The following GRIK3 variants were observed in gnomAD, a reference collection of about 807,000 sequenced individuals.
GRIK3 encodes the protein glutamate receptor ionotropic, kainate 3.
A neutral mutation model predicts 102.5 loss-of-function variants in GRIK3; 29 were observed. That is an observed-to-expected ratio of 0.28 (90% confidence interval 0.21 to 0.39). The LOEUF (loss-of-function observed/expected upper bound fraction) is 0.39, where lower values mean the gene tolerates loss of function less well. Ranked by LOEUF, GRIK3 falls within the 10% of genes least tolerant of loss-of-function variation. The pLI, the probability that GRIK3 is intolerant of heterozygous loss-of-function variation, is 1.00. For missense variants in GRIK3, 908 were observed against 1,252.4 expected, an observed-to-expected ratio of 0.73 and a Z score of 4.15; for synonymous variants, 511 against 504.9, an observed-to-expected ratio of 1.01 and a Z score of -0.16.
intron 10 of GRIK3, among the ~76,000 whole-genome samples, chr1:36,839,180 C>T (rs532505248): frequency 6.6e-6 from 1 of 152,270 alleles, no homozygotes; most frequent in Admixed American, 6.5e-5. Flanking sequence ...CTTCCTTCTC[C>T]CCTGCCCAGC....
At chr1:36,827,655 G>C (rs947900139) in intron 10 of GRIK3, among the ~76,000 whole-genome samples, 2 of 152,170 alleles carry the variant, frequency 1.3e-5, no homozygotes, top group African/African-American at 4.8e-5. Context: ...AAGGGTACCT[G>C]CTAACACTAG....
At chr1:36,861,427 C>T (rs1640724209) in intron 5 of GRIK3, among the ~76,000 whole-genome samples, 1 of 152,172 alleles carries the variant, frequency 6.6e-6, no homozygotes, top group African/African-American at 2.4e-5. Flanking sequence ...CTGGGCCCCC[C>T]ACTTAGTCAC....
intron 1 of GRIK3, among the ~76,000 whole-genome samples, chr1:36,951,426 C>T (rs1641842310): frequency 6.6e-6 from 1 of 152,208 alleles, no homozygotes; most frequent in African/African-American, 2.4e-5. Flanking sequence ...CCTTCCTTCT[C>T]CTTTGTCTTC....
At chr1:36,916,506 T>C (rs1641402285) in intron 1 of GRIK3, among the ~76,000 whole-genome samples, 1 of 152,148 alleles carries the variant, frequency 6.6e-6, no homozygotes, top group Admixed American at 6.5e-5. Flanking sequence ...ATCACAGGCA[T>C]GGAGACCTAG....
At chr1:36,946,274 G>A (rs1285232293) in intron 1 of GRIK3, among the ~76,000 whole-genome samples, 11 of 152,360 alleles carry the variant, frequency 7.2e-5, no homozygotes, top group African/African-American at 2.6e-4. Context: ...CTGGGACACC[G>A]GCCCTTGGTC....
intron 7 of GRIK3, among the ~76,000 whole-genome samples, chr1:36,855,011 A>T (rs1640634543): frequency 6.6e-6 from 1 of 152,216 alleles, no homozygotes; most frequent in Non-Finnish European, 1.5e-5. Flanking sequence ...CAGCTGGTGC[A>T]CAGTTAAATA....
intron 1 of GRIK3, among the ~76,000 whole-genome samples, chr1:36,963,808 T>C (rs1642052227): frequency 6.6e-6 from 1 of 152,164 alleles, no homozygotes; most frequent in African/African-American, 2.4e-5. Flanking sequence ...TGGTGTGACC[T>C]CAGAGGCACC....
At chr1:36,939,553 G>T (rs927843062) in intron 1 of GRIK3, among the ~76,000 whole-genome samples, 2 of 152,222 alleles carry the variant, frequency 1.3e-5, no homozygotes, top group South Asian at 2.1e-4. Flanking sequence ...GTGAGGCCAG[G>T]GCTGTCATCA....
At chr1:36,841,501 A>C (rs1490528930) in intron 10 of GRIK3, among the ~76,000 whole-genome samples, 1 of 152,210 alleles carries the variant, frequency 6.6e-6, no homozygotes, top group African/African-American at 2.4e-5. Flanking sequence ...AGGCCAGTGC[A>C]TCTGTGTGTG....
intron 1 of GRIK3, among the ~76,000 whole-genome samples, chr1:36,965,744 CT>C (rs1238815955): frequency 6.6e-6 from 1 of 152,194 alleles, no homozygotes; most frequent in Admixed American, 6.5e-5. Context: ...GTTAAACGTT[CT>C]CTGTGGAACC....
At chr1:36,818,976 C>A (rs480970) in intron 12 of GRIK3, among the ~76,000 whole-genome samples, 5 of 152,148 alleles carry the variant, frequency 3.3e-5, no homozygotes, top group Admixed American at 6.5e-5. Flanking sequence ...GGGCGGTGTC[C>A]TTTCCTGGCT....
chr1:36,901,408 T>C (rs971592810), intron 1 of GRIK3, among the ~76,000 whole-genome samples: 1 of 152,192 alleles, frequency 6.6e-6, no homozygotes, highest in Non-Finnish European at 1.5e-5. Context: ...TAATCCATTA[T>C]ATCAGTATCA....
chr1:36,847,232 C>T (rs1227551262), intron 9 of GRIK3, among the ~76,000 whole-genome samples: 2 of 152,216 alleles, frequency 1.3e-5, no homozygotes, highest in Non-Finnish European at 2.9e-5. Context: ...TTCTATATCT[C>T]AGTAGGAGAC....
At chr1:36,934,725 T>C (rs747119207) in intron 1 of GRIK3, among the ~76,000 whole-genome samples, 3 of 152,150 alleles carry the variant, frequency 2.0e-5, no homozygotes, top group Non-Finnish European at 2.9e-5. Flanking sequence ...CCAGACACAA[T>C]GGAAACACAT....
intron 11 of GRIK3, among the ~76,000 whole-genome samples, chr1:36,824,067 G>A (rs1485087113): frequency 6.6e-6 from 1 of 152,088 alleles, no homozygotes; most frequent in Non-Finnish European, 1.5e-5. Context: ...TCTCTTCTCA[G>A]GGGTCTCCTA....
At chr1:36,901,245 G>A (rs1641229816) in intron 1 of GRIK3, among the ~76,000 whole-genome samples, 1 of 152,114 alleles carries the variant, frequency 6.6e-6, no homozygotes, top group Non-Finnish European at 1.5e-5. Context: ...TAAAACTACA[G>A]ATCAATATCT....
chr1:36,969,889 CAATTCAGCTAATCG>C (rs1358190103), intron 1 of GRIK3, among the ~76,000 whole-genome samples: 4 of 152,272 alleles, frequency 2.6e-5, no homozygotes, highest in Admixed American at 2.0e-4. Flanking sequence ...GATGTAAGAA[CAATTCAGCTAATCG>C]AAACTATGAC....
At chr1:36,994,533 C>T (rs1016669001) in intron 1 of GRIK3, among the ~76,000 whole-genome samples, 5 of 152,220 alleles carry the variant, frequency 3.3e-5, no homozygotes, top group African/African-American at 1.2e-4. Flanking sequence ...ATCTGTGGAA[C>T]ACTGATAGAG....
intron 13 of GRIK3, 124 bp downstream of exon 13, chr1:36,816,936 G>C: frequency 1.5e-6 from 1 of 670,454 alleles, no homozygotes; most frequent in Non-Finnish European, 2.6e-6. Context: ...GGGGCTGAGA[G>C]GGCTTCTGAC....
Sources: allele counts gnomAD v4.1 joint callset (sites outside exome capture counted in the v4.1 genomes callset), GRCh38; gene constraint gnomAD v4.1.1; transcripts MANE v1.5; gene names NCBI Gene and HGNC (gene_info 2026-07-23, HGNC 2026-07-21).